KCNMA1: variants seen among roughly 807,000 people sequenced by gnomAD.
KCNMA1 encodes Calcium-activated potassium channel subunit alpha-1.
A neutral mutation model predicts 140.0 loss-of-function variants in KCNMA1; 29 were observed. The ratio of observed to expected loss-of-function variants is 0.21; its 90% CI spans 0.15 to 0.28. The LOEUF is 0.28. Ranked by LOEUF, KCNMA1 falls within the 10% of genes least tolerant of loss-of-function variation. KCNMA1 has a pLI of 1.00. For missense variants in KCNMA1, 880 were observed against 1,602.2 expected, an observed-to-expected ratio of 0.55 and a Z score of 7.70; for synonymous variants, 612 against 611.9, an observed-to-expected ratio of 1.00 and a Z score of 0.00.
intron 2 of KCNMA1, among the ~76,000 whole-genome samples, chr10:77,318,829 C>T (rs1459543125): frequency 6.6e-6 from 1 of 152,106 alleles, no homozygotes. Context: ...TTGGAGACTT[C>T]GTTCCTTGGC....
chr10:77,310,457 C>T (rs2078985920), intron 2 of KCNMA1, among the ~76,000 whole-genome samples: 1 of 152,246 alleles, frequency 6.6e-6, no homozygotes, highest in Admixed American at 6.5e-5. Context: ...GGCACATTAA[C>T]ATATGTTACT....
Position 77,001,549 on chromosome 10 carries a change from C to G in KCNMA1, c.2124G>C (p.Arg708=). Residue 708 remains arginine, a synonymous_variant, in exon 19 of 28, where the codon CGG becomes CGC. Transcript: ENST00000286628. ...AACGTCCGCAATCAAAACAACATGC[C>G]CGTCTCATTCTCTTGTAGATGGACA... ...PKMSIYKRMR[R]ACCFDCGRSE... is the part of the protein sequence containing the mutation. The G allele has an allele frequency of 6.4e-7, 1 of 1,552,090 alleles. No homozygotes were observed. Among genetic ancestry groups the G allele is most frequent in the Non-Finnish European group, 8.7e-7 (1 of 1,146,968 alleles).
chr10:77,134,997 CAAAAAAAAAAAAA>C (rs71028253), intron 5 of KCNMA1, among the ~76,000 whole-genome samples: 8 of 11,770 alleles, frequency 6.8e-4, no homozygotes, highest in South Asian at 8.8e-3. Flanking sequence ...GACTCTGTCT[CAAAAAAAAAAAAA>C]AAAAAAAAAA....
At chr10:77,530,761 C>A (rs1020525617) in intron 1 of KCNMA1, among the ~76,000 whole-genome samples, 6 of 152,254 alleles carry the variant, frequency 3.9e-5, no homozygotes, top group African/African-American at 9.6e-5. Flanking sequence ...CTCCCATCTT[C>A]CTGATTTCTG....
intron 2 of KCNMA1, among the ~76,000 whole-genome samples, chr10:77,287,141 T>C (rs2071276417): frequency 6.6e-6 from 1 of 152,202 alleles, no homozygotes; most frequent in Non-Finnish European, 1.5e-5. Flanking sequence ...CCCAGTTCAT[T>C]CATGCATCAG....
chr10:77,023,070 G>A (rs771957340), intron 16 of KCNMA1: 28 of 369,174 alleles, frequency 7.6e-5, no homozygotes, highest in Non-Finnish European at 9.8e-5. Flanking sequence ...GCCTCTATCA[G>A]GTCCCTCCAT....
chr10:77,033,100 T>A (rs1251213879), intron 15 of KCNMA1, among the ~76,000 whole-genome samples: 1 of 152,050 alleles, frequency 6.6e-6, no homozygotes, highest in Non-Finnish European at 1.5e-5. Context: ...AGAGGGCCCC[T>A]GGGAATGTCA....
chr10:77,344,286 C>T (rs561580584), intron 2 of KCNMA1, among the ~76,000 whole-genome samples: 3 of 152,270 alleles, frequency 2.0e-5, no homozygotes, highest in East Asian at 3.9e-4. Context: ...AGTAAGCCAT[C>T]GACAAGCAGG....
At chr10:77,198,481 A>C (rs2041360393) in intron 3 of KCNMA1, among the ~76,000 whole-genome samples, 1 of 151,508 alleles carries the variant, frequency 6.6e-6, no homozygotes. Context: ...ATACATATTG[A>C]CCATTTAGCA....
chr10:77,119,464 A>T (rs1345840194), intron 6 of KCNMA1, among the ~76,000 whole-genome samples: 1 of 152,170 alleles, frequency 6.6e-6, no homozygotes, highest in East Asian at 1.9e-4. Flanking sequence ...TCTCTTAAGG[A>T]CAAGGCTCTA....
At chr10:77,137,723 G>A (rs1353040850) in intron 5 of KCNMA1, among the ~76,000 whole-genome samples, 2 of 152,190 alleles carry the variant, frequency 1.3e-5, no homozygotes, top group African/African-American at 2.4e-5. Context: ...GTTCTTGCTT[G>A]TCTGACCTTT....
chr10:77,239,504 T>C (rs2056659468), intron 3 of KCNMA1, among the ~76,000 whole-genome samples: 2 of 152,184 alleles, frequency 1.3e-5, no homozygotes, highest in Admixed American at 6.5e-5. Context: ...TTCTAGTAGA[T>C]TCCACCATCA....
Position 77,394,142 on chromosome 10 carries a change from G to A in KCNMA1, c.540+9720C>T, listed in dbSNP as rs1002223582. ...GAGGAGAGGGAAAACAGCCATGCCA[G>A]CACTTGCCATCAGAGCCCTGAGGGC... On this transcript the variant is annotated intron_variant, in intron 2 of 27. Transcript: ENST00000286628. Among the ~76,000 whole-genome samples the A allele has an allele frequency of 3.3e-5, 5 of 152,382 alleles. No homozygotes were observed. The East Asian group carries it at 9.6e-4, about 29-fold the overall frequency.
chr10:77,471,386 CCACAT>C (rs1308668898), intron 1 of KCNMA1, among the ~76,000 whole-genome samples: 1 of 151,482 alleles, frequency 6.6e-6, no homozygotes, highest in Non-Finnish European at 1.5e-5. Context: ...ACCACACACA[CCACAT>C]AACACACATC....
intron 25 of KCNMA1, among the ~76,000 whole-genome samples, 196 bp downstream of exon 25, chr10:76,909,770 G>A (rs1385709218): frequency 6.6e-6 from 1 of 152,124 alleles, no homozygotes; most frequent in African/African-American, 2.4e-5. Context: ...TGCCTTCCTT[G>A]CACTTGAGGA....
At chr10:77,453,027 T>C (rs2097692134) in intron 1 of KCNMA1, among the ~76,000 whole-genome samples, 4 of 152,132 alleles carry the variant, frequency 2.6e-5, no homozygotes, top group Admixed American at 2.6e-4. Flanking sequence ...GGACAGAACC[T>C]GGTGTAAAGG....
At chr10:76,906,511 A>G (rs1001985250) in intron 25 of KCNMA1, among the ~76,000 whole-genome samples, 6 of 152,240 alleles carry the variant, frequency 3.9e-5, no homozygotes, top group African/African-American at 1.4e-4. Context: ...TGAAGCAGTA[A>G]GCAGCAGGAG....
intron 1 of KCNMA1, among the ~76,000 whole-genome samples, chr10:77,553,051 C>A (rs1038804784): frequency 4.1e-5 from 6 of 144,812 alleles, no homozygotes; most frequent in Non-Finnish European, 9.1e-5. Context: ...AAACAAAAAA[C>A]AAAACAAAAC....
intron 1 of KCNMA1, among the ~76,000 whole-genome samples, chr10:77,620,400 G>T (rs970260838): frequency 4.6e-5 from 7 of 152,198 alleles, no homozygotes; most frequent in African/African-American, 1.7e-4. Flanking sequence ...AGGAGCTGTG[G>T]GAGGGAGGTA....
Sources: gnomAD v4.1 joint callset for allele counts (sites outside exome capture counted in the v4.1 genomes callset) on GRCh38, gnomAD v4.1.1 for gene constraint, MANE v1.5 for transcripts, NCBI Gene and HGNC (gene_info 2026-07-23, HGNC 2026-07-21) for gene names.